C1QTNF6: variants seen among roughly 807,000 people sequenced by gnomAD.
C1QTNF6 encodes C1q and TNF related 6.
Under a neutral mutation model 20.7 loss-of-function variants are expected in C1QTNF6, and 17 were observed. The ratio of observed to expected loss-of-function variants is 0.82; its 90% CI spans 0.56 to 1.23. The LOEUF (loss-of-function observed/expected upper bound fraction) is 1.23, where lower values mean the gene tolerates loss of function less well. Ranked by LOEUF, C1QTNF6 falls within the 50% of genes most tolerant of loss-of-function variation. The pLI is 0.00. For synonymous variants in C1QTNF6, 130 were observed against 156.3 expected (o/e 0.83, Z 1.25); for missense variants, 329 against 389.7 (o/e 0.84, Z 1.31).
chr22:37,188,289 G>C (rs1601634126), upstream of C1QTNF6: 1 of 1,288,136 alleles, frequency 7.8e-7, no homozygotes, highest in South Asian at 1.3e-5. Flanking sequence ...GCAGAGGAGG[G>C]AGAGAGGAGG....
chr22:37,197,692 G>C (rs2145787564), exon 1 of C1QTNF6: 1 of 152,384 alleles, frequency 6.6e-6, no homozygotes, highest in Non-Finnish European at 1.5e-5. Context: ...CAGCTGGCAG[G>C]AGTCAGAGCA....
chr22:37,199,037 G>A (rs1925328703), upstream of C1QTNF6, among the ~76,000 whole-genome samples: 1 of 152,258 alleles, frequency 6.6e-6, no homozygotes, highest in Non-Finnish European at 1.5e-5. Context: ...CTCCGCGCCA[G>A]GCCCTCTGCC....
upstream of C1QTNF6, among the ~76,000 whole-genome samples, chr22:37,192,949 CAG>C (rs1924907090): frequency 6.6e-6 from 1 of 152,154 alleles, no homozygotes; most frequent in Admixed American, 6.6e-5. Context: ...GAAGGCAAAA[CAG>C]AACCCCAAAA....
At chr22:37,192,215 A>G (rs1924865155), upstream of C1QTNF6, among the ~76,000 whole-genome samples, 1 of 152,210 alleles carries the variant, frequency 6.6e-6, no homozygotes, top group Non-Finnish European at 1.5e-5. Flanking sequence ...TCTTACCAAA[A>G]GCATATTCAA....
In C1QTNF6 at chr22:37,184,475, G is replaced by A. The variant is rs1398495741; in HGVS notation, c.289+743C>T. ...CGGGTAGCCAGCCCGCACCTGGACGGCCCTCACCTGGATGCCTTTCACCTG... is the reference window on the plus strand; with the variant it reads ...CGGGTAGCCAGCCCGCACCTGGACGACCCTCACCTGGATGCCTTTCACCTG... On this transcript the variant is annotated intron_variant, in intron 2 of 2. Transcript: ENST00000337843. The surrounding 1 kb of genome is among the most constrained non-coding windows in gnomAD (Gnocchi z 4.0). The A allele has an allele frequency of 5.6e-6, 4 of 715,094 alleles. No homozygotes were observed. The South Asian group carries it at 5.9e-5, about 11-fold the overall frequency. 44.3% of individuals were successfully genotyped at this position (715,094 alleles called of 1,614,324 possible). A position where few individuals can be genotyped will look rare whatever the true frequency, so the allele number is the denominator to read the frequency against.
Position 37,182,526 on chromosome 22 carries a change from T to A in C1QTNF6, c.499A>T (p.Arg167Trp), listed in dbSNP as rs1569062828. The A allele has an allele frequency of 6.2e-7, 1 of 1,614,134 alleles. No individual in the cohort carries two copies. Among genetic ancestry groups the A allele is most frequent in the East Asian group, 2.2e-5 (1 of 44,892 alleles). Residue 167 changes from arginine to tryptophan, a missense_variant, in exon 3 of 3, where the codon AGG (arginine) becomes TGG (tryptophan). Arg to Trp is a moderately radical substitution (Grantham distance 101). Coordinates refer to ENST00000337843, the MANE Select transcript of C1QTNF6 (RefSeq NM_031910.4). ...GEDFQTLLFE[R>W]VFVNLDGCFD... The stretch of plus-strand genomic sequence containing the variant: ...CACCCATCAAGGTTCACAAAGACCC[T>A]TTCGAAGAGCAGCGTCTGGAAGTCC...
intron 2 of C1QTNF6, among the ~76,000 whole-genome samples, chr22:37,193,893 A>G (rs955941946): frequency 6.6e-5 from 10 of 152,210 alleles, no homozygotes; most frequent in African/African-American, 2.4e-4. Flanking sequence ...CTAAGGTGGG[A>G]ATTGAACCTG....
At chr22:37,186,708 GA>G (rs1924382409) in intron 1 of C1QTNF6, among the ~76,000 whole-genome samples, 1 of 152,206 alleles carries the variant, frequency 6.6e-6, no homozygotes, top group Non-Finnish European at 1.5e-5. Flanking sequence ...GGCTGGTGCC[GA>G]GTTATCACAG....
intron 2 of C1QTNF6, among the ~76,000 whole-genome samples, chr22:37,193,572 A>AT: frequency 6.6e-6 from 1 of 152,362 alleles, no homozygotes; most frequent in African/African-American, 2.4e-5. Context: ...TCCATTTTTA[A>AT]TTAAGCTGAC....
chr22:37,191,766 A>G (rs989228577), upstream of C1QTNF6: 5 of 152,144 alleles, frequency 3.3e-5, no homozygotes. Flanking sequence ...AAAAATCTTT[A>G]ATTATTTTTC....
intron 1 of C1QTNF6, chr22:37,195,738 T>C (rs1288147954): frequency 6.6e-6 from 1 of 152,242 alleles, no homozygotes; most frequent in East Asian, 1.9e-4. Context: ...TGAGAGTTCC[T>C]CCCGCTTTTA....
chr22:37,199,352 A>C (rs891614833), upstream of C1QTNF6: 4 of 152,316 alleles, frequency 2.6e-5, no homozygotes, highest in African/African-American at 7.2e-5. Flanking sequence ...GGCCCGAGGG[A>C]CGAGGACCTG....
At chr22:37,190,700 A>G (rs1268543434), upstream of C1QTNF6, 1 of 95,926 alleles carries the variant, frequency 1.0e-5, no homozygotes, top group East Asian at 2.4e-4. Context: ...AAAAAAAAGA[A>G]GAAAGAAGGA....
At chr22:37,195,325 G>A (rs1250118658) in intron 2 of C1QTNF6, 4 of 152,168 alleles carry the variant, frequency 2.6e-5, no homozygotes, top group African/African-American at 9.7e-5. Flanking sequence ...CTATTTCTGA[G>A]GAGGGAACCT....
rs1487774117 is a variant in C1QTNF6, at chr22:37,185,408, C to G, written c.99G>C (p.Leu33=). The G allele has an allele frequency of 1.2e-6, 2 of 1,612,514 alleles. No homozygotes were observed. Among genetic ancestry groups the G allele is most frequent in the Non-Finnish European group, 1.7e-6 (2 of 1,179,308 alleles). Reference sequence around the variant, plus strand: ...GGATCTCACACATCAGGAGAAAGAGCAGGAGCGCTGCCCAGACGGGACCCA... The same window carrying G: ...GGATCTCACACATCAGGAGAAAGAGGAGGAGCGCTGCCCAGACGGGACCCA... ...AALGPVWAAL[L]LFLLMCEIPM... The change falls in exon 2 of 3, where the codon CTG becomes CTC. Residue 33 remains leucine, a synonymous_variant. Transcript: ENST00000337843.
upstream of C1QTNF6, among the ~76,000 whole-genome samples, chr22:37,198,688 C>G (rs371354298): frequency 7.9e-3 from 1,207 of 151,972 alleles, 7 homozygotes; most frequent in Non-Finnish European, 0.014. Context: ...CCCCGCTCCC[C>G]GGTCCCCGGC....
chr22:37,198,743 A>C (rs1925303750), upstream of C1QTNF6, among the ~76,000 whole-genome samples: 1 of 145,430 alleles, frequency 6.9e-6, no homozygotes, highest in South Asian at 2.4e-4. Context: ...ACTTTGGGGC[A>C]GGCCAGGGCG....
intron 2 of C1QTNF6, 94 bp from the exon 3 acceptor site, chr22:37,182,829 T>C (rs1923919884): frequency 1.4e-6 from 2 of 1,460,216 alleles, no homozygotes; most frequent in African/African-American, 1.4e-5. Flanking sequence ...GCCCCTGTCC[T>C]GGCCCAGAGA....
Position 37,182,007 on chromosome 22 carries a change from G to A in C1QTNF6, c.*181C>T. 1.5e-6 allele frequency: 1 copy of A among 654,984 alleles called. No individual in the cohort carries two copies. Among genetic ancestry groups the A allele is most frequent in the South Asian group, 2.0e-5 (1 of 49,618 alleles). The allele number at this position is 654,984 out of a possible 1,614,324, so 40.6% of individuals were successfully genotyped here. Reference sequence around the variant, plus strand: ...TTCTTAAAATAGGTCCAAGAGAGAAGAGAGGAGCAGAAATAGGCTGGGAGG... The same window carrying A: ...TTCTTAAAATAGGTCCAAGAGAGAAAAGAGGAGCAGAAATAGGCTGGGAGG... On this transcript the variant is annotated 3_prime_UTR_variant, in exon 3 of 3. Coordinates refer to ENST00000337843, the MANE Select transcript of C1QTNF6 (RefSeq NM_031910.4).
Sources: gnomAD v4.1 joint callset for allele counts (sites outside exome capture counted in the v4.1 genomes callset) on GRCh38, gnomAD v4.1.1 for gene constraint, Gnocchi (gnomAD v3.1) non-coding constraint, MANE v1.5 for transcripts, NCBI Gene and HGNC (gene_info 2026-07-23, HGNC 2026-07-21) for gene names.